Variants in CD99L2 observed in about 807,000 individuals in gnomAD.
CD99L2 encodes the protein CD99 molecule like 2.
In CD99L2, 24 loss-of-function variants were observed where a neutral mutation model predicts 27.3. The observed-to-expected ratio is 0.88, with a 90% CI of 0.64 to 1.24. The LOEUF (loss-of-function observed/expected upper bound fraction) is 1.24, where lower values mean the gene tolerates loss of function less well. Among genes scored for constraint, CD99L2 ranks in the 50% most tolerant of loss-of-function variants. The pLI, the probability that CD99L2 is intolerant of heterozygous loss-of-function variation, is 0.00. For synonymous variants in CD99L2, 97 were observed against 87.9 expected, an observed-to-expected ratio of 1.10 and a Z score of -0.58; for missense variants, 255 against 221.6, an observed-to-expected ratio of 1.15 and a Z score of -0.96.
chrX:150,871,436 T>C (rs1222920409), intron 1 of CD99L2, among the ~76,000 whole-genome samples: 2 of 111,277 alleles, frequency 1.8e-5, no homozygotes, highest in African/African-American at 6.5e-5. Context: ...AGACTGAAGG[T>C]TGATAAGATT....
intron 7 of CD99L2, among the ~76,000 whole-genome samples, chrX:150,787,979 G>A (rs1003098623): frequency 8.9e-5 from 9 of 100,779 alleles, no homozygotes; most frequent in Non-Finnish European, 1.8e-4. Context: ...AAGATCAGAT[G>A]GCTGCAGGTC....
chrX:150,838,873 A>T (rs2046575410), intron 1 of CD99L2, among the ~76,000 whole-genome samples: 1 of 90,018 alleles, frequency 1.1e-5, no homozygotes, highest in Non-Finnish European at 2.2e-5. Flanking sequence ...GAACTTTAAC[A>T]TAGGAATACG....
In CD99L2 at chrX:150,874,999, T is replaced by C. The variant is rs1190067216; in HGVS notation, c.67+23523A>G. Reference sequence around the variant, plus strand: ...CTGCCAGGCATCTCTCTCTATCTGATCAATTACATTGAGATCTGTTTAAAT... The same window carrying C: ...CTGCCAGGCATCTCTCTCTATCTGACCAATTACATTGAGATCTGTTTAAAT... On this transcript the variant is annotated intron_variant, in intron 1 of 10. Coordinates refer to ENST00000370377, the MANE Select transcript of CD99L2 (RefSeq NM_031462.4). Among the ~76,000 whole-genome samples, 3 of 111,722 alleles carry C rather than the reference T, an allele frequency of 2.7e-5. No individual in the cohort carries two copies. In the East Asian group the frequency reaches 8.4e-4, roughly 31 times the overall value.
At chrX:150,823,037 ACTT>A (rs782303083) in intron 2 of CD99L2, among the ~76,000 whole-genome samples, 26 of 111,659 alleles carry the variant, frequency 2.3e-4, no homozygotes, top group Admixed American at 7.6e-4. Context: ...TTCACTCTGC[ACTT>A]CTTCTTGCTG....
At chrX:150,864,586 T>A (rs1363409400) in intron 1 of CD99L2, among the ~76,000 whole-genome samples, 1 of 112,092 alleles carries the variant, frequency 8.9e-6, no homozygotes, top group East Asian at 2.8e-4. Context: ...CTGCACTGAC[T>A]GTGGAACAGG....
chrX:150,769,213 T>C (rs2043367521), intron 10 of CD99L2, 112 bp from the exon 11 acceptor site: 4 of 908,448 alleles, frequency 4.4e-6, no homozygotes, highest in Non-Finnish European at 5.9e-6. Context: ...TTGTATCCCC[T>C]GGGGGGCCGC....
chrX:150,769,020 G>A lies in CD99L2; in HGVS notation c.*14C>T. 2 of 1,144,145 alleles carry A rather than the reference G, an allele frequency of 1.7e-6. No homozygotes were observed. Among genetic ancestry groups the A allele is most frequent in the Non-Finnish European group, 2.3e-6 (2 of 871,697 alleles). The allele number at this position is 1,144,145 out of a possible 1,213,427, so 94.3% of individuals were successfully genotyped here. A position where few individuals can be genotyped will look rare whatever the true frequency, so the allele number is the denominator to read the frequency against. On this transcript the variant is annotated 3_prime_UTR_variant, in exon 11 of 11. Transcript: ENST00000370377. Reference sequence around the variant, plus strand: ...GGTGGCACCATTGTGCATGCCTGCAGCTGGACAGGGCCCTCAGATCCGGGC... The same window carrying A: ...GGTGGCACCATTGTGCATGCCTGCAACTGGACAGGGCCCTCAGATCCGGGC...
intron 1 of CD99L2, among the ~76,000 whole-genome samples, chrX:150,848,553 A>AT (rs1439006376): frequency 3.1e-4 from 12 of 39,269 alleles, no homozygotes; most frequent in East Asian, 1.1e-3. Context: ...TTTTTCCACA[A>AT]TTTAAAAAAA....
intron 1 of CD99L2, among the ~76,000 whole-genome samples, chrX:150,856,569 A>AAATAATAATAATAATAATAAT (rs10564205): frequency 3.2e-4 from 32 of 98,683 alleles, no homozygotes; most frequent in South Asian, 2.6e-3. Context: ...AGCCAGGCTA[A>AAATAATAATAATAATAATAAT]AATAATAATA....
At chrX:150,811,352 A>G (rs888749515) in intron 4 of CD99L2, among the ~76,000 whole-genome samples, 55 of 111,604 alleles carry the variant, frequency 4.9e-4, no homozygotes, top group African/African-American at 1.8e-3. Flanking sequence ...TCAAAAATAA[A>G]ATAAAATTTT....
chrX:150,864,083 T>A (rs1475895144), intron 1 of CD99L2, among the ~76,000 whole-genome samples: 1 of 112,191 alleles, frequency 8.9e-6, no homozygotes, highest in Non-Finnish European at 1.9e-5. Context: ...ACAGCAGCCC[T>A]AGGAAAGCTG....
At position 150,770,306 on chromosome X, in the gene CD99L2, T is replaced by C; in HGVS notation, c.719A>G (p.Gln240Arg). ...NLEAVVCEEP[Q>R]VKYSTLHTQS... ...GACAGTGAGTACAAAGTTCTCACCTTGGGGTTCCTCACATACCACGGCTTC... is the reference window on the plus strand; with the variant it reads ...GACAGTGAGTACAAAGTTCTCACCTCGGGGTTCCTCACATACCACGGCTTC... Residue 240 changes from glutamine (Q) to arginine (R), a missense_variant and splice_region_variant, in exon 10 of 11, where the codon CAA becomes CGA. Physicochemically the swap from Gln to Arg is conservative, Grantham distance 43. Coordinates refer to ENST00000370377, the MANE Select transcript of CD99L2 (RefSeq NM_031462.4). 1 of 1,211,270 alleles carries C rather than the reference T, an allele frequency of 8.3e-7. No individual in the cohort carries two copies.
intron 7 of CD99L2, among the ~76,000 whole-genome samples, chrX:150,787,888 GTATATATATATATATATATATA>G (rs527795783): frequency 4.7e-5 from 3 of 63,836 alleles, no homozygotes; most frequent in South Asian, 1.0e-3. Context: ...AGAACTTAAA[GTATATATATATATATATATATA>G]TATATATATA....
chrX:150,887,304 G>C (rs1557422656), intron 1 of CD99L2, among the ~76,000 whole-genome samples: 1 of 108,993 alleles, frequency 9.2e-6, no homozygotes, highest in African/African-American at 3.3e-5. Flanking sequence ...AAATTAGCCA[G>C]GCATGGTGGC....
intron 1 of CD99L2, among the ~76,000 whole-genome samples, chrX:150,877,323 C>T (rs1424969986): frequency 9.0e-6 from 1 of 110,998 alleles, no homozygotes; most frequent in Non-Finnish European, 1.9e-5. Flanking sequence ...CAGGATTTAT[C>T]CTTAATGTGA....
intron 1 of CD99L2, among the ~76,000 whole-genome samples, chrX:150,844,138 T>A (rs925116183): frequency 1.8e-5 from 2 of 112,109 alleles, no homozygotes; most frequent in Non-Finnish European, 3.8e-5. Context: ...ATAGCTTGAT[T>A]CAACTTGAAA....
At chrX:150,780,477 T>C (rs1256813340) in intron 7 of CD99L2, among the ~76,000 whole-genome samples, 2 of 112,044 alleles carry the variant, frequency 1.8e-5, no homozygotes, top group Admixed American at 9.4e-5. Flanking sequence ...TGAAAACATA[T>C]GTCCACATAA....
chrX:150,789,308 G>C (rs975761952), intron 7 of CD99L2, among the ~76,000 whole-genome samples: 4 of 109,536 alleles, frequency 3.7e-5, no homozygotes, highest in Non-Finnish European at 7.6e-5. Flanking sequence ...ATTTTTAGTA[G>C]AGACAGGGTT....
intron 2 of CD99L2, among the ~76,000 whole-genome samples, chrX:150,819,871 T>C (rs1557420627): frequency 9.0e-6 from 1 of 111,368 alleles, no homozygotes; most frequent in Non-Finnish European, 1.9e-5. Flanking sequence ...TTCCCACAAA[T>C]AAAATTCTGG....
Sources: allele counts gnomAD v4.1 joint callset (sites outside exome capture counted in the v4.1 genomes callset), GRCh38; gene constraint gnomAD v4.1.1; transcripts MANE v1.5; gene names NCBI Gene and HGNC (gene_info 2026-07-23, HGNC 2026-07-21).